FGF12: variants seen among roughly 807,000 people sequenced by gnomAD.
FGF12 encodes fibroblast growth factor 12, also known as fibroblast growth factor 12B.
FGF12 carries 14 observed loss-of-function variants against 23.6 expected under a neutral mutation model. That is an observed-to-expected ratio of 0.59 (90% CI 0.39 to 0.93). FGF12 has a LOEUF of 0.93. Among genes scored for constraint, FGF12 ranks in the 40% least tolerant of loss-of-function variants. FGF12 has a pLI of 0.00. For synonymous variants in FGF12, 62 were observed against 77.3 expected, an observed-to-expected ratio of 0.80 and a Z score of 1.04; for missense variants, 175 against 217.8, an observed-to-expected ratio of 0.80 and a Z score of 1.24.
At chr3:192,706,772 A>G (rs1718486743) in intron 2 of FGF12, among the ~76,000 whole-genome samples, 1 of 152,172 alleles carries the variant, frequency 6.6e-6, no homozygotes, top group Non-Finnish European at 1.5e-5. Context: ...TTTACAACAT[A>G]TCTAGTTTTC....
chr3:192,362,804 G>A (rs977907745), intron 2 of FGF12, among the ~76,000 whole-genome samples: 3 of 152,142 alleles, frequency 2.0e-5, no homozygotes, highest in Admixed American at 6.6e-5. Flanking sequence ...CGGTATAAGG[G>A]AGGTAAAAGA....
intron 4 of FGF12, among the ~76,000 whole-genome samples, chr3:192,279,230 G>GTGTATATATATATATATA (rs1238001381): frequency 7.6e-6 from 1 of 131,922 alleles, no homozygotes; most frequent in Non-Finnish European, 1.6e-5. Flanking sequence ...TAATGTATGA[G>GTGTATATATATATATATA]TATATATATA....
chr3:192,222,172 T>A (rs1293067916), intron 4 of FGF12, among the ~76,000 whole-genome samples: 1 of 152,054 alleles, frequency 6.6e-6, no homozygotes, highest in African/African-American at 2.4e-5. Flanking sequence ...GCCATGAACA[T>A]GGGAATGAGT....
chr3:192,411,263 CG>C (rs953222432), intron 2 of FGF12, among the ~76,000 whole-genome samples: 1 of 152,134 alleles, frequency 6.6e-6, no homozygotes, highest in African/African-American at 2.4e-5. Flanking sequence ...CTACCATGCC[CG>C]GGGGCCTGGA....
At chr3:192,672,353 CT>C (rs888950644) in intron 2 of FGF12, among the ~76,000 whole-genome samples, 3 of 150,042 alleles carry the variant, frequency 2.0e-5, no homozygotes, top group Non-Finnish European at 3.0e-5. Flanking sequence ...TCTGAATGTT[CT>C]TTTTTTTTAA....
intron 4 of FGF12, among the ~76,000 whole-genome samples, chr3:192,324,186 T>A (rs552681983): frequency 2.0e-5 from 3 of 151,908 alleles, no homozygotes; most frequent in Admixed American, 2.0e-4. Context: ...AATTAAAAAA[T>A]AATAATAATA....
chr3:192,160,047 G>A (rs1251904541), intron 5 of FGF12, among the ~76,000 whole-genome samples: 1 of 151,782 alleles, frequency 6.6e-6, no homozygotes, highest in African/African-American at 2.4e-5. Flanking sequence ...AGTCATCCCT[G>A]ATTTCTGTCT....
In FGF12 at chr3:192,360,314, A is replaced by G; in HGVS notation, c.124+114T>C. 1 of 698,520 alleles carries G rather than the reference A, an allele frequency of 1.4e-6. No homozygotes were observed. 43.3% of individuals were successfully genotyped at this position (698,520 alleles called of 1,614,324 possible). A position where few individuals can be genotyped will look rare whatever the true frequency, so the allele number is the denominator to read the frequency against. On this transcript the variant is annotated intron_variant, in intron 3 of 5. Coordinates refer to ENST00000445105, the MANE Select transcript of FGF12 (RefSeq NM_004113.6). This position sits in a 1 kb window ranked among gnomAD's most constrained non-coding sequence, Gnocchi z 4.3. ...AAAAGACACTAGCTTACTAATAGTT[A>G]AATAGTTTGAAAGGCATAGTTTGGT...
intron 3 of FGF12, among the ~76,000 whole-genome samples, chr3:192,358,029 A>G (rs1718553715): frequency 6.6e-6 from 1 of 152,194 alleles, no homozygotes; most frequent in South Asian, 2.1e-4. Flanking sequence ...ATATATTACC[A>G]TATACAAACC....
intron 2 of FGF12, among the ~76,000 whole-genome samples, chr3:192,645,392 C>A (rs1215918916): frequency 6.6e-6 from 1 of 152,050 alleles, no homozygotes; most frequent in African/African-American, 2.4e-5. Context: ...GACCTTATGA[C>A]CAGTTCCATA....
At chr3:192,657,431 A>C (rs944550855) in intron 2 of FGF12, among the ~76,000 whole-genome samples, 2 of 144,800 alleles carry the variant, frequency 1.4e-5, no homozygotes, top group Non-Finnish European at 3.2e-5. Context: ...AAAAAAAAAA[A>C]ACAGAGAACT....
intron 2 of FGF12, among the ~76,000 whole-genome samples, chr3:192,628,627 G>A (rs1003293269): frequency 2.0e-5 from 3 of 150,014 alleles, no homozygotes; most frequent in African/African-American, 7.3e-5. Flanking sequence ...CTGTGAGCCT[G>A]TGATTTCATT....
At chr3:192,603,623 C>T (rs1714211119) in intron 2 of FGF12, among the ~76,000 whole-genome samples, 1 of 152,006 alleles carries the variant, frequency 6.6e-6, no homozygotes, top group Non-Finnish European at 1.5e-5. Context: ...CTGTGATGCC[C>T]ACCTGAGCCT....
At chr3:192,387,871 A>G (rs1418094892) in intron 2 of FGF12, among the ~76,000 whole-genome samples, 1 of 152,148 alleles carries the variant, frequency 6.6e-6, no homozygotes, top group African/African-American at 2.4e-5. Flanking sequence ...TGGGTGACAC[A>G]GTGAGACACT....
chr3:192,227,817 A>C (rs1015571898), intron 4 of FGF12, among the ~76,000 whole-genome samples: 2 of 152,162 alleles, frequency 1.3e-5, no homozygotes, highest in East Asian at 3.9e-4. Context: ...AAACAGAAGC[A>C]ACTTCAGCAA....
At chr3:192,394,827 T>C (rs1382537411) in intron 2 of FGF12, among the ~76,000 whole-genome samples, 1 of 152,172 alleles carries the variant, frequency 6.6e-6, no homozygotes, top group African/African-American at 2.4e-5. Context: ...TATCAATAAC[T>C]TTAAAAGTAA....
intron 2 of FGF12, among the ~76,000 whole-genome samples, chr3:192,630,471 C>A (rs13081483): frequency 0.33 from 49,554 of 150,624 alleles, 9,159 homozygotes; most frequent in African/African-American, 0.51. Flanking sequence ...GCCCCTGATA[C>A]CTAACAAAGG....
chr3:192,391,793 C>T (rs1195099716), intron 2 of FGF12, among the ~76,000 whole-genome samples: 1 of 152,122 alleles, frequency 6.6e-6, no homozygotes, highest in Non-Finnish European at 1.5e-5. Context: ...AATACCTGAC[C>T]ATGTTTCTCT....
intron 2 of FGF12, among the ~76,000 whole-genome samples, chr3:192,379,332 C>A (rs1460267586): frequency 6.7e-6 from 1 of 149,870 alleles, no homozygotes; most frequent in Non-Finnish European, 1.5e-5. Context: ...CTGGAGATAA[C>A]CTAACAAATT....
Sources: allele counts gnomAD v4.1 joint callset (sites outside exome capture counted in the v4.1 genomes callset), GRCh38; gene constraint gnomAD v4.1.1; non-coding constraint Gnocchi (gnomAD v3.1); transcripts MANE v1.5; gene names NCBI Gene and HGNC (gene_info 2026-07-23, HGNC 2026-07-21).